SPECC1: variants seen among roughly 807,000 people sequenced by gnomAD.
SPECC1 encodes the protein cytospin-B.
In SPECC1, 62 loss-of-function variants were observed where a neutral mutation model predicts 104.1. The ratio of observed to expected loss-of-function variants is 0.60; its 90% CI spans 0.49 to 0.74. The LOEUF (loss-of-function observed/expected upper bound fraction) is 0.74. SPECC1 is among the 30% of genes least tolerant of loss of function. SPECC1 has a pLI of 0.00. For synonymous variants in SPECC1, 513 were observed against 501.6 expected (o/e 1.02, Z -0.30); for missense variants, 1,306 against 1,310.5 (o/e 1.00, Z 0.05).
chr17:20,140,035 A>G (rs1303478500), intron 3 of SPECC1, among the ~76,000 whole-genome samples: 1 of 152,128 alleles, frequency 6.6e-6, no homozygotes, highest in East Asian at 1.9e-4. Flanking sequence ...TCTTACCCAA[A>G]GCACAGTAGC....
At chr17:20,204,186 C>T in intron 3 of SPECC1, 147 bp from the exon 4 acceptor site, 3 of 1,028,384 alleles carry the variant, frequency 2.9e-6, no homozygotes, top group Non-Finnish European at 4.2e-6. Flanking sequence ...AAACCACAGT[C>T]AGAACTGGGT....
intron 1 of SPECC1, among the ~76,000 whole-genome samples, chr17:20,046,475 A>C (rs1390652715): frequency 1.3e-5 from 2 of 152,226 alleles, no homozygotes; most frequent in Non-Finnish European, 2.9e-5. Context: ...CTAGGGATAA[A>C]GAAATGAATA....
chr17:20,311,435 G>A (rs2041931916), intron 14 of SPECC1, among the ~76,000 whole-genome samples: 1 of 151,708 alleles, frequency 6.6e-6, no homozygotes, highest in African/African-American at 2.4e-5. Flanking sequence ...TGTCACCCAG[G>A]CCTGGGGTGC....
intron 4 of SPECC1, among the ~76,000 whole-genome samples, chr17:20,212,081 G>A (rs558620146): frequency 6.6e-6 from 1 of 152,286 alleles, no homozygotes; most frequent in Admixed American, 6.5e-5. Flanking sequence ...AAATACAGAT[G>A]TTTACCCTCA....
chr17:20,232,615 T>C (rs1206523661), intron 7 of SPECC1, among the ~76,000 whole-genome samples: 1 of 152,238 alleles, frequency 6.6e-6, no homozygotes, highest in Non-Finnish European at 1.5e-5. Flanking sequence ...GCTAAGCTCC[T>C]CACTTACATA....
chr17:20,298,282 G>T (rs1177371974), intron 13 of SPECC1, among the ~76,000 whole-genome samples: 3 of 151,978 alleles, frequency 2.0e-5, no homozygotes, highest in Non-Finnish European at 2.9e-5. Flanking sequence ...AACCTGGGAG[G>T]CAGATCGCAC....
intron 3 of SPECC1, among the ~76,000 whole-genome samples, chr17:20,118,403 G>A (rs956731458): frequency 5.3e-5 from 8 of 152,254 alleles, no homozygotes; most frequent in Middle Eastern, 3.4e-3. Flanking sequence ...AGTATAATAT[G>A]GGAAACAACC....
chr17:20,182,812 A>G (rs2034999604), intron 3 of SPECC1, among the ~76,000 whole-genome samples: 1 of 152,224 alleles, frequency 6.6e-6, no homozygotes, highest in Admixed American at 6.5e-5. Context: ...ACTGCCTGTT[A>G]AAGAGAGCTT....
At chr17:20,092,906 T>A (rs2047465890) in intron 1 of SPECC1, among the ~76,000 whole-genome samples, 1 of 152,180 alleles carries the variant, frequency 6.6e-6, no homozygotes, top group South Asian at 2.1e-4. Context: ...GCCTTGGTGC[T>A]CTCCAGGGAG....
chr17:20,314,761 G>A lies in SPECC1; in HGVS notation c.*696G>A, dbSNP rs139310444. The A allele has an allele frequency of 1.4e-5, 3 of 217,992 alleles. No homozygotes were observed. Among genetic ancestry groups the A allele is most frequent in the African/African-American group, 7.4e-5 (3 of 40,674 alleles). The allele number at this position is 217,992 out of a possible 1,614,324, so 13.5% of individuals were successfully genotyped here. A position where few individuals can be genotyped will look rare whatever the true frequency, so the allele number is the denominator to read the frequency against. On this transcript the variant is annotated 3_prime_UTR_variant, in exon 15 of 15. Transcript: ENST00000395527. ...GTTCCAGGGCAACCTGGAAACGTGC[G>A]TGCGCACTCAGCCTTTTGGGGAAAA...
chr17:20,045,388 T>C (rs189730582), intron 1 of SPECC1, among the ~76,000 whole-genome samples: 30 of 152,268 alleles, frequency 2.0e-4, no homozygotes, highest in Admixed American at 2.6e-4. Context: ...GTAAATACCA[T>C]TTTGTGTGTG....
intron 1 of SPECC1, among the ~76,000 whole-genome samples, chr17:20,022,421 C>T (rs916140261): frequency 2.0e-5 from 3 of 152,086 alleles, no homozygotes; most frequent in Admixed American, 1.3e-4. Flanking sequence ...GTTGATGTTT[C>T]GACAGTGCAC....
intron 3 of SPECC1, among the ~76,000 whole-genome samples, chr17:20,201,336 G>A (rs1597957624): frequency 1.3e-5 from 2 of 151,918 alleles, no homozygotes; most frequent in South Asian, 4.2e-4. Flanking sequence ...CAGTAAATTA[G>A]CCGAGCATGG....
At chr17:20,126,733 T>G (rs1207801060) in intron 3 of SPECC1, among the ~76,000 whole-genome samples, 3 of 152,236 alleles carry the variant, frequency 2.0e-5, no homozygotes, top group Non-Finnish European at 4.4e-5. Context: ...TAGTGACATC[T>G]TGACTTGCTC....
intron 1 of SPECC1, among the ~76,000 whole-genome samples, chr17:20,030,139 G>C (rs2044752004): frequency 6.6e-6 from 1 of 152,112 alleles, no homozygotes; most frequent in Non-Finnish European, 1.5e-5. Flanking sequence ...ATTTGTGGTA[G>C]TTTGTTACTG....
At chr17:20,025,017 G>A (rs1241352941) in intron 1 of SPECC1, among the ~76,000 whole-genome samples, 1 of 152,178 alleles carries the variant, frequency 6.6e-6, no homozygotes, top group Non-Finnish European at 1.5e-5. Flanking sequence ...AGGAAAAGCG[G>A]ACATTAAAAT....
chr17:20,309,737 T>C (rs1365116180), intron 14 of SPECC1, among the ~76,000 whole-genome samples: 1 of 152,198 alleles, frequency 6.6e-6, no homozygotes, highest in African/African-American at 2.4e-5. Flanking sequence ...TTTTGTTCTT[T>C]TTATGGCTGC....
chr17:20,138,218 T>A (rs1354266624), intron 3 of SPECC1, among the ~76,000 whole-genome samples: 1 of 152,138 alleles, frequency 6.6e-6, no homozygotes, highest in Non-Finnish European at 1.5e-5. Flanking sequence ...TGCTGTAGCC[T>A]CCCAAAGTGC....
At chr17:20,211,918 C>T (rs1195442853) in intron 4 of SPECC1, among the ~76,000 whole-genome samples, 3 of 152,202 alleles carry the variant, frequency 2.0e-5, no homozygotes, top group Non-Finnish European at 4.4e-5. Flanking sequence ...TTCACATGAC[C>T]TCAGGACTCA....
Sources: allele counts gnomAD v4.1 joint callset (sites outside exome capture counted in the v4.1 genomes callset), GRCh38; gene constraint gnomAD v4.1.1; transcripts MANE v1.5; gene names NCBI Gene and HGNC (gene_info 2026-07-23, HGNC 2026-07-21).